The following CCSER1 variants were observed in gnomAD, a reference collection of about 807,000 sequenced individuals.
CCSER1 encodes the protein coiled-coil serine rich protein 1, also known as serine-rich coiled-coil domain-containing protein 1.
A neutral mutation model predicts 82.0 loss-of-function variants in CCSER1; 41 were observed. The observed-to-expected ratio is 0.50, with a 90% CI of 0.39 to 0.65. The LOEUF (loss-of-function observed/expected upper bound fraction) is 0.65. CCSER1 is among the 30% of genes least tolerant of loss of function. The pLI is 0.00. For synonymous variants in CCSER1, 414 were observed against 383.9 expected (o/e 1.08, Z -0.92); for missense variants, 1,119 against 1,064.2 (o/e 1.05, Z -0.72).
chr4:90,576,009 C>T (rs898614144), intron 5 of CCSER1, among the ~76,000 whole-genome samples: 11 of 151,702 alleles, frequency 7.3e-5, no homozygotes, highest in South Asian at 2.1e-4. Context: ...TTCATATCTC[C>T]GAAATTTTGT....
intron 7 of CCSER1, among the ~76,000 whole-genome samples, chr4:90,803,216 CT>C (rs77222463): frequency 1.3e-5 from 2 of 151,812 alleles, no homozygotes; most frequent in Non-Finnish European, 2.9e-5. Context: ...ATGTTTTTGT[CT>C]TTTTTTAAAT....
intron 10 of CCSER1, among the ~76,000 whole-genome samples, chr4:91,502,552 C>A (rs1206707748): frequency 1.3e-5 from 2 of 152,136 alleles, no homozygotes; most frequent in Admixed American, 1.3e-4. Context: ...TACTCCATTA[C>A]CACCCCCTGG....
chr4:91,361,934 G>T (rs1349343381), intron 10 of CCSER1, among the ~76,000 whole-genome samples: 3 of 151,690 alleles, frequency 2.0e-5, no homozygotes, highest in African/African-American at 7.3e-5. Flanking sequence ...ATAAAATGGG[G>T]AGGGTATTTG....
chr4:90,413,805 C>T (rs939140951), intron 4 of CCSER1, among the ~76,000 whole-genome samples: 3 of 149,952 alleles, frequency 2.0e-5, no homozygotes, highest in African/African-American at 7.3e-5. Flanking sequence ...AAAAATTAGC[C>T]GCGCGTAGTG....
At chr4:91,494,927 T>C (rs560745118) in intron 10 of CCSER1, among the ~76,000 whole-genome samples, 1 of 151,830 alleles carries the variant, frequency 6.6e-6, no homozygotes, top group South Asian at 2.1e-4. Flanking sequence ...CAGCATTCCA[T>C]AGGAGGATTC....
intron 6 of CCSER1, among the ~76,000 whole-genome samples, chr4:90,635,739 T>C (rs1273800294): frequency 6.6e-6 from 1 of 151,794 alleles, no homozygotes; most frequent in Non-Finnish European, 1.5e-5. Flanking sequence ...TTATAATAAT[T>C]TGTTATATTT....
chr4:91,411,526 A>ATATATATATATG (rs70965492), intron 10 of CCSER1, among the ~76,000 whole-genome samples: 1 of 129,648 alleles, frequency 7.7e-6, no homozygotes, highest in South Asian at 2.4e-4. Flanking sequence ...ATATATATAT[A>ATATATATATATG]AAATCTTGAC....
At chr4:91,028,024 T>C (rs965552064) in intron 9 of CCSER1, among the ~76,000 whole-genome samples, 1 of 151,994 alleles carries the variant, frequency 6.6e-6, no homozygotes, top group African/African-American at 2.4e-5. Context: ...GAAACTACAA[T>C]ATGTATAAAT....
At chr4:91,319,164 C>T (rs1392955060) in intron 10 of CCSER1, 71 of 222,790 alleles carry the variant, frequency 3.2e-4, no homozygotes. Flanking sequence ...TTAGATGATG[C>T]ATAAGTTTAC....
intron 7 of CCSER1, among the ~76,000 whole-genome samples, chr4:90,728,514 G>A (rs1744100577): frequency 6.6e-6 from 1 of 152,106 alleles, no homozygotes. Flanking sequence ...TAGAAGGGAG[G>A]AAGTAGATAA....
intron 8 of CCSER1, among the ~76,000 whole-genome samples, chr4:90,845,751 G>T (rs1763153470): frequency 6.7e-6 from 1 of 150,338 alleles, no homozygotes; most frequent in South Asian, 2.1e-4. Context: ...TATATTTTCA[G>T]TATGTGAACA....
rs535833897 is a variant in CCSER1 at position 91,599,756 on chromosome 4, T to C, written c.*699T>C. The C allele has an allele frequency of 2.6e-5, 4 of 152,060 alleles. No homozygotes were observed. In the East Asian group the frequency reaches 7.7e-4, roughly 29 times the overall value. 9.4% of individuals were successfully genotyped at this position (152,060 alleles called of 1,614,324 possible). On this transcript the variant is annotated 3_prime_UTR_variant, in exon 11 of 11. Transcript: ENST00000509176. ...AATGACAGCTCTGATCTTTGAAAAA[T>C]TTTGCTTTTAGTTTTTGTTATTGAT...
At position 91,138,773 on chromosome 4, in the gene CCSER1, G is replaced by A. The variant is rs374596027; in HGVS notation, c.2217+52779G>A. Among the ~76,000 whole-genome samples, 635 of 149,046 alleles carry A rather than the reference G, an allele frequency of 4.3e-3. 3 individuals are homozygous for A. Among genetic ancestry groups the A allele is most frequent in the Middle Eastern group, 0.017 (5 of 294 alleles). On this transcript the variant is annotated intron_variant, in intron 10 of 10. Coordinates refer to ENST00000509176, the MANE Select transcript of CCSER1 (RefSeq NM_001145065.2). The stretch of plus-strand genomic sequence containing the variant: ...CAAACAACCCCATCAAAAAGTGGGC[G>A]AAGGACATGAACAGACACTTCTCAA...
intron 5 of CCSER1, among the ~76,000 whole-genome samples, chr4:90,506,024 A>G (rs1339544347): frequency 1.3e-5 from 2 of 152,176 alleles, no homozygotes; most frequent in Non-Finnish European, 1.5e-5. Context: ...TTCTATTTGC[A>G]TGTCTGTTTA....
intron 5 of CCSER1, among the ~76,000 whole-genome samples, chr4:90,520,794 C>A (rs1773007972): frequency 6.6e-6 from 1 of 152,056 alleles, no homozygotes; most frequent in Non-Finnish European, 1.5e-5. Flanking sequence ...ATATGTGAAA[C>A]CTGGAGCAGT....
At position 90,519,436 on chromosome 4, in the gene CCSER1, C is replaced by T. The variant is rs531593155; in HGVS notation, c.1724+51082C>T. Among the ~76,000 whole-genome samples, 31 of 151,826 alleles carry T rather than the reference C, an allele frequency of 2.0e-4. No individual in the cohort carries two copies. In the East Asian group the frequency reaches 3.5e-3, roughly 17 times the overall value. Reference sequence around the variant, plus strand: ...TGATCTAGCTGATACAGTTGAAACTCGGCATTTGTTATGTATATAAGCTGC... The same window carrying T: ...TGATCTAGCTGATACAGTTGAAACTTGGCATTTGTTATGTATATAAGCTGC... On this transcript the variant is annotated intron_variant, in intron 5 of 10. Transcript: ENST00000509176.
intron 10 of CCSER1, among the ~76,000 whole-genome samples, chr4:91,177,944 A>G (rs570904109): frequency 1.2e-4 from 19 of 152,238 alleles, no homozygotes; most frequent in African/African-American, 4.1e-4. Flanking sequence ...TGTTGTGGGC[A>G]TTTAGTGCTA....
intron 10 of CCSER1, among the ~76,000 whole-genome samples, chr4:91,361,761 T>C (rs2904380): frequency 0.29 from 43,267 of 151,384 alleles, 6,926 homozygotes; most frequent in Middle Eastern, 0.44. Context: ...GACCATTAGA[T>C]ATTTATGCAT....
chr4:90,789,848 G>A (rs1326500735), intron 7 of CCSER1, among the ~76,000 whole-genome samples: 1 of 152,088 alleles, frequency 6.6e-6, no homozygotes, highest in Non-Finnish European at 1.5e-5. Flanking sequence ...TTTATCAGCA[G>A]CGTGAAAATG....
Sources: gnomAD v4.1 joint callset for allele counts (sites outside exome capture counted in the v4.1 genomes callset) on GRCh38, gnomAD v4.1.1 for gene constraint, MANE v1.5 for transcripts, NCBI Gene and HGNC (gene_info 2026-07-23, HGNC 2026-07-21) for gene names.